Variants in SLIT3 observed in about 807,000 individuals in gnomAD.
SLIT3 encodes the protein slit guidance ligand 3.
In SLIT3, 68 loss-of-function variants were observed where a neutral mutation model predicts 184.0. The ratio of observed to expected loss-of-function variants is 0.37; its 90% CI spans 0.30 to 0.45. The LOEUF is 0.45. Ranked by LOEUF, SLIT3 falls within the 20% of genes least tolerant of loss-of-function variation. The pLI is 1.00. For synonymous variants in SLIT3, 831 were observed against 828.6 expected, an observed-to-expected ratio of 1.00 and a Z score of -0.05; for missense variants, 1,707 against 2,026.0, an observed-to-expected ratio of 0.84 and a Z score of 3.02.
chr5:168,741,079 G>T (rs1763619058), intron 20 of SLIT3, among the ~76,000 whole-genome samples: 1 of 152,102 alleles, frequency 6.6e-6, no homozygotes, highest in Non-Finnish European at 1.5e-5. Flanking sequence ...GAACTTTTTA[G>T]CAACTGTCAA....
At chr5:169,152,459 G>A (rs976005511) in intron 4 of SLIT3, among the ~76,000 whole-genome samples, 12 of 152,190 alleles carry the variant, frequency 7.9e-5, no homozygotes, top group African/African-American at 2.9e-4. Flanking sequence ...AATTTGGCTG[G>A]TAGTCCACTG....
At chr5:169,242,766 G>A (rs113940536) in intron 3 of SLIT3, among the ~76,000 whole-genome samples, 54 of 152,228 alleles carry the variant, frequency 3.5e-4, no homozygotes, top group African/African-American at 1.2e-3. Flanking sequence ...ACACCAACAC[G>A]GAGAAATAAT....
At chr5:169,227,332 T>C (rs975903492) in intron 3 of SLIT3, among the ~76,000 whole-genome samples, 3 of 152,236 alleles carry the variant, frequency 2.0e-5, no homozygotes, top group African/African-American at 7.2e-5. Context: ...TTACTTTGTG[T>C]CAGGCACTTT....
chr5:169,209,249 G>T (rs1764173386), intron 3 of SLIT3, among the ~76,000 whole-genome samples: 1 of 152,168 alleles, frequency 6.6e-6, no homozygotes, highest in Non-Finnish European at 1.5e-5. Context: ...AAACCACAAT[G>T]AGATACCATC....
At chr5:168,882,504 G>C (rs984544983) in intron 5 of SLIT3, among the ~76,000 whole-genome samples, 1 of 152,168 alleles carries the variant, frequency 6.6e-6, no homozygotes, top group African/African-American at 2.4e-5. Flanking sequence ...ACCTATGCCT[G>C]CGCTCACACA....
chr5:169,126,331 G>A (rs1296077132), intron 4 of SLIT3, among the ~76,000 whole-genome samples: 2 of 152,168 alleles, frequency 1.3e-5, no homozygotes, highest in Non-Finnish European at 2.9e-5. Flanking sequence ...AGAGAGAGAG[G>A]AAGAGGGAAA....
In SLIT3 at chr5:168,806,501, G is replaced by C; in HGVS notation, c.880C>G (p.Arg294Gly). The change falls in exon 9 of 36, where the codon CGA becomes GGA. Residue 294 changes from arginine (R) to glycine (G), a missense_variant. By Grantham distance (125) the Arg-to-Gly change is moderately radical. Around this residue, in one of 3 missense-constraint regions of SLIT3, gnomAD observed 1,307 missense variants for 1,511.6 expected, o/e 0.86. Transcript: ENST00000519560. The stretch of plus-strand genomic sequence containing the variant: ...GGAATCTCCATCAAGCCCTTTCCTC[G>C]ACAGTCCACGATGTTATTGCTGCAC... ...CTCSNNIVDC[R>G]GKGLMEIPAN... The C allele has an allele frequency of 6.2e-7, 1 of 1,614,142 alleles. No homozygotes were observed. The highest frequency in any genetic ancestry group is 8.5e-7 in the Non-Finnish European group (1 of 1,180,016).
chr5:169,243,745 CAG>C (rs1765483159), intron 3 of SLIT3, among the ~76,000 whole-genome samples: 1 of 152,230 alleles, frequency 6.6e-6, no homozygotes, highest in African/African-American at 2.4e-5. Context: ...GACAGGTAAA[CAG>C]AACACAGTTC....
At chr5:168,679,734 T>A (rs2085644177) in intron 32 of SLIT3, among the ~76,000 whole-genome samples, 1 of 152,126 alleles carries the variant, frequency 6.6e-6, no homozygotes, top group South Asian at 2.1e-4. Flanking sequence ...CCCCTACTCC[T>A]GTAGCACAGC....
chr5:169,154,498 G>A (rs1762234092), intron 4 of SLIT3, among the ~76,000 whole-genome samples: 1 of 152,228 alleles, frequency 6.6e-6, no homozygotes, highest in Admixed American at 6.5e-5. Context: ...TCATTGCTGA[G>A]AACAAGGCCA....
intron 5 of SLIT3, among the ~76,000 whole-genome samples, chr5:168,868,470 C>T (rs535465556): frequency 2.6e-5 from 4 of 152,148 alleles, no homozygotes; most frequent in African/African-American, 9.6e-5. Context: ...TATGGCTTGG[C>T]CGGGCGCAGC....
chr5:168,991,060 C>T (rs1302413518), intron 4 of SLIT3, among the ~76,000 whole-genome samples: 1 of 152,188 alleles, frequency 6.6e-6, no homozygotes. Context: ...TATCTGACAT[C>T]ACACAGCTAG....
At chr5:168,933,219 T>C (rs78817066) in intron 4 of SLIT3, among the ~76,000 whole-genome samples, 6,359 of 152,224 alleles carry the variant, frequency 0.042, 225 homozygotes, top group African/African-American at 0.093. Context: ...CCACTAAGGA[T>C]TTCTGATCAG....
chr5:168,726,426 GA>G, intron 20 of SLIT3, among the ~76,000 whole-genome samples: 1 of 54,500 alleles, frequency 1.8e-5, no homozygotes, highest in African/African-American at 7.1e-5. Context: ...GGGAGGCAGG[GA>G]GGAAGAGGGA....
rs188141501 is a variant in SLIT3 at position 168,936,377 on chromosome 5, T to A, written c.414-53041A>T. ...AGCCTCCTAAGTAGCTGGGATTACA[T>A]GCGCACACCACCAAGCACAGCTAAT... is the stretch of plus-strand genomic sequence containing the variant. On this transcript the variant is annotated intron_variant, in intron 4 of 35. Transcript: ENST00000519560. 1.6e-3 allele frequency among the ~76,000 whole-genome samples: 245 copies of A among 152,234 alleles called. 2 individuals carry two copies. The highest frequency in any genetic ancestry group is 1.4e-3 in the Non-Finnish European group (96 of 67,998).
chr5:169,216,408 C>G (rs17070994), intron 3 of SLIT3, among the ~76,000 whole-genome samples: 2,595 of 152,338 alleles, frequency 0.017, 29 homozygotes, highest in Admixed American at 0.03. Context: ...TTCTAATACC[C>G]ACCTGACACG....
chr5:169,052,928 C>T (rs1390338851), intron 4 of SLIT3, among the ~76,000 whole-genome samples: 1 of 152,184 alleles, frequency 6.6e-6, no homozygotes, highest in Non-Finnish European at 1.5e-5. Context: ...AGAACCACCG[C>T]CTCCAGGTAA....
chr5:168,964,710 A>G (rs753827488), intron 4 of SLIT3, among the ~76,000 whole-genome samples: 56 of 152,240 alleles, frequency 3.7e-4, no homozygotes, highest in Non-Finnish European at 7.8e-4. Flanking sequence ...AGGCAAAGAT[A>G]TAACATAAGC....
chr5:168,722,680 A>T (rs1254078818), intron 22 of SLIT3, among the ~76,000 whole-genome samples: 1 of 152,234 alleles, frequency 6.6e-6, no homozygotes, highest in Admixed American at 6.5e-5. Context: ...AAAATTCACA[A>T]ACCACAAAAG....
Sources: gnomAD v4.1 joint callset for allele counts (sites outside exome capture counted in the v4.1 genomes callset) on GRCh38, gnomAD v4.1.1 for gene constraint, gnomAD v4.1.1 regional missense constraint, MANE v1.5 for transcripts, NCBI Gene and HGNC (gene_info 2026-07-23, HGNC 2026-07-21) for gene names.